The following IL1R1 variants were observed in gnomAD, a reference collection of about 807,000 sequenced individuals.
IL1R1 encodes interleukin 1 receptor type 1, also known as interleukin-1 receptor type 1.
Under a neutral mutation model 50.2 loss-of-function variants are expected in IL1R1, and 22 were observed. The ratio of observed to expected loss-of-function variants is 0.44; its 90% CI spans 0.31 to 0.63. The LOEUF (loss-of-function observed/expected upper bound fraction) is 0.63, where lower values mean the gene tolerates loss of function less well. Ranked by LOEUF, IL1R1 falls within the 20% of genes least tolerant of loss-of-function variation. The pLI, the probability that IL1R1 is intolerant of heterozygous loss-of-function variation, is 0.07. For missense variants in IL1R1, 509 were observed against 676.2 expected (o/e 0.75, Z 2.74); for synonymous variants, 251 against 236.7 (o/e 1.06, Z -0.55).
chr2:102,148,945 AAAACAAACAAAC>A (rs35503646), intron 1 of IL1R1, among the ~76,000 whole-genome samples: 63,425 of 150,596 alleles, frequency 0.42, 16,266 homozygotes, highest in Admixed American at 0.55. Flanking sequence ...ACTCTGTCTC[AAAACAAACAAAC>A]AAACAAACAA....
intron 1 of IL1R1, among the ~76,000 whole-genome samples, chr2:102,149,836 G>A (rs944543533): frequency 1.3e-5 from 2 of 152,168 alleles, no homozygotes; most frequent in Non-Finnish European, 2.9e-5. Context: ...GCTAGACACA[G>A]CAGGAGCCAT....
upstream of IL1R1, among the ~76,000 whole-genome samples, chr2:102,141,460 C>T (rs1169580630): frequency 6.6e-6 from 1 of 152,182 alleles, no homozygotes; most frequent in Non-Finnish European, 1.5e-5. Context: ...TGATGTAAGC[C>T]TGCTTTCTCG....
At chr2:102,133,453 C>T (rs537899710) in intron 1 of IL1R1, among the ~76,000 whole-genome samples, 1 of 152,204 alleles carries the variant, frequency 6.6e-6, no homozygotes, top group African/African-American at 2.4e-5. Context: ...CCAAACAGGA[C>T]ATTACATGGA....
Position 102,176,727 on chromosome 2 carries a change from C to G in IL1R1, c.1678C>G (p.Leu560Val), listed in dbSNP as rs189697285. 205 of 1,614,134 alleles carry G rather than the reference C, an allele frequency of 1.3e-4. 1 individual carries two copies. In the East Asian group the frequency reaches 4.3e-3, roughly 34 times the overall value. Reference sequence around the variant, plus strand: ...ACTGTCACCAGCCACTAAGGAGAAACTGCAAAGAGAGGCTCACGTGCCTCT... The same window carrying G: ...ACTGTCACCAGCCACTAAGGAGAAAGTGCAAAGAGAGGCTCACGTGCCTCT... ...QLLSPATKEK[L>V]QREAHVPLG Residue 560 changes from leucine to valine, a missense_variant, in exon 12 of 12, where the codon CTG (leucine) becomes GTG (valine). By Grantham distance (32) the Leu-to-Val change is conservative. Transcript: ENST00000410023.
rs371298157 is a variant in IL1R1, at chr2:102,122,019, G to A, written c.-84+17147G>A. Among the ~76,000 whole-genome samples the A allele has an allele frequency of 1.9e-4, 29 of 152,254 alleles. No homozygotes were observed. The South Asian group carries it at 6.0e-3, about 32-fold the overall frequency. ...GGGCAGCCCTGGAAGATATACGTTT[G>A]TTTCATACATTCAAAAATAGGATTC... On this transcript the variant is annotated intron_variant, in intron 1 of 10. Transcript: ENST00000409329.
chr2:102,086,690 G>A (rs1010308102), intron 1 of IL1R1, among the ~76,000 whole-genome samples: 2 of 151,988 alleles, frequency 1.3e-5, no homozygotes, highest in South Asian at 2.1e-4. Flanking sequence ...GAATCACCTC[G>A]TAAATTAAAA....
At chr2:102,161,769 G>A (rs939040351) in intron 3 of IL1R1, among the ~76,000 whole-genome samples, 9 of 151,784 alleles carry the variant, frequency 5.9e-5, no homozygotes, top group South Asian at 2.1e-4. Context: ...GTGCGATCTC[G>A]GCTCACAGCA....
intron 1 of IL1R1, among the ~76,000 whole-genome samples, chr2:102,077,496 G>T (rs1188650442): frequency 6.6e-6 from 1 of 152,066 alleles, no homozygotes; most frequent in Non-Finnish European, 1.5e-5. Flanking sequence ...AATCTCTTTT[G>T]TGTCTCTGTT....
At chr2:102,091,843 T>A (rs1461092687) in intron 1 of IL1R1, among the ~76,000 whole-genome samples, 3 of 152,240 alleles carry the variant, frequency 2.0e-5, no homozygotes, top group Admixed American at 2.0e-4. Context: ...TGGGATTAAC[T>A]TTTTAAGCTC....
At chr2:102,078,730 G>T (rs6729887) in intron 1 of IL1R1, among the ~76,000 whole-genome samples, 2 of 151,998 alleles carry the variant, frequency 1.3e-5, no homozygotes, top group Non-Finnish European at 2.9e-5. Flanking sequence ...GGACACTTGC[G>T]AATTCATCCT....
chr2:102,078,562 TCACACACA>T lies in IL1R1; in HGVS notation c.-84+8060_-84+8067del, dbSNP rs35407722. On this transcript the variant is annotated intron_variant, in intron 1 of 11. Coordinates refer to the IL1R1 transcript ENST00000409929. The stretch of plus-strand genomic sequence containing the variant: ...ACACTGAATTAGCAGTCAAAAAACT[TCACACACA>T]CACACACACACACACACACACACAC... Among the ~76,000 whole-genome samples, 38 of 104,120 alleles carry T rather than the reference TCACACACA, an allele frequency of 3.6e-4. 1 individual carries two copies. In the South Asian group the frequency reaches 4.7e-3, roughly 13 times the overall value. 68.3% of individuals were successfully genotyped at this position (104,120 alleles called of 152,430 possible).
chr2:102,175,728 G>A (rs192470770), intron 11 of IL1R1, 83 bp downstream of exon 11: 21 of 1,282,112 alleles, frequency 1.6e-5, no homozygotes, highest in African/African-American at 5.9e-5. Flanking sequence ...CTAGAAGATC[G>A]TGGCATAGGG....
chr2:102,168,908 A>C (rs928418459), intron 7 of IL1R1, among the ~76,000 whole-genome samples: 2 of 152,000 alleles, frequency 1.3e-5, no homozygotes, highest in African/African-American at 4.8e-5. Context: ...TGAAAACACC[A>C]ACCAGACACC....
At chr2:102,154,413 A>G (rs1205563296) in intron 2 of IL1R1, among the ~76,000 whole-genome samples, 1 of 152,114 alleles carries the variant, frequency 6.6e-6, no homozygotes, top group African/African-American at 2.4e-5. Flanking sequence ...CCTCGTTCCA[A>G]GAGATCTGGG....
rs375686282 is a variant in IL1R1 at position 102,150,516 on chromosome 2, A to G, written c.-83-3425A>G. Among the ~76,000 whole-genome samples, 30 of 152,370 alleles carry G rather than the reference A, an allele frequency of 2.0e-4. 1 individual carries two copies. In the East Asian group the frequency reaches 4.4e-3, roughly 22 times the overall value. On this transcript the variant is annotated intron_variant, in intron 1 of 11. Transcript: ENST00000410023. ...ATTTTCATTTTGTCTTTAATCAACA[A>G]GTAACTTTGTGTGTGTGTTGCACGT...
At chr2:102,157,638 G>A (rs1553633704) in intron 2 of IL1R1, 81 bp from the exon 3 acceptor site, 5 of 846,324 alleles carry the variant, frequency 5.9e-6, no homozygotes, top group Non-Finnish European at 1.0e-5. Context: ...CAGGGCCGGT[G>A]TTGGTATATT....
At position 102,097,072 on chromosome 2, in the gene IL1R1, A is replaced by G. The variant is rs577834255; in HGVS notation, c.-84+26539A>G. Among the ~76,000 whole-genome samples the G allele has an allele frequency of 8.5e-5, 13 of 152,364 alleles. No homozygotes were observed. In the South Asian group the frequency reaches 2.7e-3, roughly 32 times the overall value. On this transcript the variant is annotated intron_variant, in intron 1 of 11. Coordinates refer to the IL1R1 transcript ENST00000409929. ...GCAAAGCTTGAAATCTCAGTGACTT[A>G]GCACAACAAAAGTTTACGTCTCACA...
intron 1 of IL1R1, among the ~76,000 whole-genome samples, chr2:102,127,034 T>C (rs1474420339): frequency 2.0e-5 from 3 of 152,200 alleles, no homozygotes; most frequent in South Asian, 4.1e-4. Flanking sequence ...TTGTGAACCC[T>C]TGGGTGTGGC....
At chr2:102,076,400 A>G (rs1015340450) in intron 1 of IL1R1, among the ~76,000 whole-genome samples, 1 of 152,196 alleles carries the variant, frequency 6.6e-6, no homozygotes, top group African/African-American at 2.4e-5. Flanking sequence ...GATGGTCTCA[A>G]TCTCCTGACC....
Sources: gnomAD v4.1 joint callset for allele counts (sites outside exome capture counted in the v4.1 genomes callset) on GRCh38, gnomAD v4.1.1 for gene constraint, MANE v1.5 for transcripts, NCBI Gene and HGNC (gene_info 2026-07-23, HGNC 2026-07-21) for gene names.